Variants in CD109 observed in about 807,000 individuals in gnomAD.
CD109 encodes the protein CD109 molecule, also known as CD109 antigen.
Under a neutral mutation model 165.8 loss-of-function variants are expected in CD109, and 149 were observed. The observed-to-expected ratio is 0.90, with a 90% confidence interval of 0.79 to 1.03. CD109 has a LOEUF of 1.03. Among genes scored for constraint, CD109 ranks in the 50% least tolerant of loss-of-function variants. The pLI, the probability that CD109 is intolerant of heterozygous loss-of-function variation, is 0.00. For missense variants in CD109, 1,712 were observed against 1,677.8 expected, an observed-to-expected ratio of 1.02 and a Z score of -0.36; for synonymous variants, 585 against 592.1, an observed-to-expected ratio of 0.99 and a Z score of 0.18.
chr6:73,812,363 A>G (rs998207817), intron 29 of CD109, 93 bp downstream of exon 29: 5 of 762,656 alleles, frequency 6.6e-6, no homozygotes, highest in African/African-American at 5.3e-5. Context: ...TAACTTGAAT[A>G]TAATTCCTAA....
chr6:73,711,992 C>T (rs947247834), intron 2 of CD109, among the ~76,000 whole-genome samples: 1 of 152,082 alleles, frequency 6.6e-6, no homozygotes, highest in Non-Finnish European at 1.5e-5. Context: ...TATCCCTTAC[C>T]TCCCTGCCAT....
At chr6:73,775,754 A>C (rs757438956) in intron 15 of CD109, among the ~76,000 whole-genome samples, 1 of 152,088 alleles carries the variant, frequency 6.6e-6, no homozygotes, top group Non-Finnish European at 1.5e-5. Flanking sequence ...TCCCACTTAT[A>C]AGTGAGAACA....
chr6:73,734,647 G>A (rs779721008), intron 4 of CD109, among the ~76,000 whole-genome samples: 3 of 152,090 alleles, frequency 2.0e-5, no homozygotes, highest in African/African-American at 7.2e-5. Context: ...TTTGGTCTCT[G>A]GTTTTCACAA....
In CD109 at chr6:73,811,018, G is replaced by A; in HGVS notation, c.3573G>A (p.Leu1191=). The change falls in exon 28 of 33, where the codon CTG becomes CTA. Residue 1191 remains leucine (L), a synonymous_variant. Coordinates refer to ENST00000287097, the MANE Select transcript of CD109 (RefSeq NM_133493.5). The part of the protein sequence containing the change: ...TQDTTVALKA[L]SEFAALMNTE... The stretch of plus-strand genomic sequence containing the variant: ...ATACCACTGTGGCTTTAAAGGCTCT[G>A]TCTGAATTTGCAGCCCTAATGAATA... The A allele has an allele frequency of 4.3e-6, 7 of 1,613,246 alleles. No individual in the cohort carries two copies. The highest frequency in any genetic ancestry group is 5.9e-6 in the Non-Finnish European group (7 of 1,179,452).
At chr6:73,723,364 C>A in intron 3 of CD109, 85 bp downstream of exon 3, 3 of 1,031,318 alleles carry the variant, frequency 2.9e-6, no homozygotes, top group South Asian at 1.4e-5. Flanking sequence ...GATTTTATGT[C>A]AATTCACACA....
At chr6:73,728,409 C>T (rs1372947216) in intron 3 of CD109, among the ~76,000 whole-genome samples, 1 of 152,162 alleles carries the variant, frequency 6.6e-6, no homozygotes, top group East Asian at 1.9e-4. Context: ...TTTTTCCTAA[C>T]ATTTTATTAT....
intron 17 of CD109, among the ~76,000 whole-genome samples, chr6:73,782,052 A>T (rs1413572455): frequency 6.6e-6 from 1 of 152,174 alleles, no homozygotes; most frequent in Non-Finnish European, 1.5e-5. Context: ...TACTAACATC[A>T]TCTTGAAAGG....
chr6:73,799,825 G>T, intron 23 of CD109, among the ~76,000 whole-genome samples: 2 of 150,172 alleles, frequency 1.3e-5, no homozygotes, highest in African/African-American at 4.9e-5. Context: ...GAAAATAAAT[G>T]TATACATATA....
chr6:73,682,548 A>G, the CD109 span, among the ~76,000 whole-genome samples: 14 of 152,188 alleles, frequency 9.2e-5, no homozygotes, highest in Non-Finnish European at 1.9e-4. Flanking sequence ...TTCCAGGCAC[A>G]CAGTGCAAGC....
At chr6:73,689,009 G>A in the CD109 span, among the ~76,000 whole-genome samples, 9 of 151,968 alleles carry the variant, frequency 5.9e-5, no homozygotes, top group Non-Finnish European at 1.0e-4. Flanking sequence ...AGCTCAAGCA[G>A]TACTCCTGCC....
rs116619454 is a variant in CD109, at chr6:73,705,050, G to A, written c.247+7478G>A. Among the ~76,000 whole-genome samples the A allele has an allele frequency of 4.4e-3, 671 of 152,282 alleles. 6 individuals are homozygous for A. The highest frequency in any genetic ancestry group is 0.014 in the Middle Eastern group (4 of 294). On this transcript the variant is annotated intron_variant, in intron 2 of 32. Coordinates refer to ENST00000287097, the MANE Select transcript of CD109 (RefSeq NM_133493.5). ...GTACTAGAGACGGGAAGGGTGTGCCGGAGGAAAGAGCTGCTGGCTGGTGTG... is the reference window on the plus strand; with the variant it reads ...GTACTAGAGACGGGAAGGGTGTGCCAGAGGAAAGAGCTGCTGGCTGGTGTG...
At chr6:73,758,408 C>T (rs1013962973) in intron 6 of CD109, among the ~76,000 whole-genome samples, 10 of 152,048 alleles carry the variant, frequency 6.6e-5, no homozygotes, top group African/African-American at 1.4e-4. Context: ...TTTTTCGAGA[C>T]GGAGTCTCAC....
chr6:73,782,639 GT>G lies in CD109; in HGVS notation c.1992del (p.Phe664LeufsTer10). 1 of 1,613,700 alleles carries G rather than the reference GT, an allele frequency of 6.2e-7. No homozygotes were observed. The highest frequency in any genetic ancestry group is 8.5e-7 in the Non-Finnish European group (1 of 1,179,740). ...ATGACAATGCAGAATATGCTGAGAG[GT>G]TTATGGAGGAAAATGAAGGACATAT... is the stretch of plus-strand genomic sequence containing the variant. The part of the protein sequence containing the change: ...VYDNAEYAER[F>X]MEENEGHIVD... On this transcript the variant is annotated frameshift_variant, in exon 18 of 33. Coordinates refer to ENST00000287097, the MANE Select transcript of CD109 (RefSeq NM_133493.5). LOFTEE classifies it high-confidence loss of function.
Position 73,781,311 on chromosome 6 carries a change from A to G in CD109, c.1955A>G (p.Asp652Gly). ...GCAAACCTCACGAAGGATTATATTG[A>G]TGGTGTTTGTAAGTAATACATGGCG... ...TDANLTKDYI[D>G]GVYDNAEYAE... The change falls in exon 17 of 33, where the codon GAT becomes GGT. Residue 652 changes from aspartate to glycine, a missense_variant. Transcript: ENST00000287097. The G allele has an allele frequency of 6.2e-7, 1 of 1,612,300 alleles. No individual in the cohort carries two copies. The highest frequency in any genetic ancestry group is 8.5e-7 in the Non-Finnish European group (1 of 1,178,564).
chr6:73,724,398 C>A (rs1057167167), intron 3 of CD109, among the ~76,000 whole-genome samples: 3 of 152,126 alleles, frequency 2.0e-5, no homozygotes. Flanking sequence ...CTTCCTATAG[C>A]TTTGATTTGG....
chr6:73,715,742 C>T (rs1162972226), intron 2 of CD109, among the ~76,000 whole-genome samples: 2 of 152,102 alleles, frequency 1.3e-5, no homozygotes, highest in East Asian at 3.8e-4. Context: ...TATCCGTTCC[C>T]TCAAGCATTT....
At chr6:73,704,287 G>A (rs1458391993) in intron 2 of CD109, among the ~76,000 whole-genome samples, 1 of 151,904 alleles carries the variant, frequency 6.6e-6, no homozygotes, top group Non-Finnish European at 1.5e-5. Flanking sequence ...CTCACAAATT[G>A]TACTCGACCA....
chr6:73,711,251 T>G (rs1209151544), intron 2 of CD109, among the ~76,000 whole-genome samples: 1 of 152,242 alleles, frequency 6.6e-6, no homozygotes, highest in African/African-American at 2.4e-5. Context: ...ACCTGCTTTT[T>G]TTTTTACTCA....
intron 4 of CD109, among the ~76,000 whole-genome samples, chr6:73,731,023 G>C (rs1364268179): frequency 6.6e-6 from 1 of 151,972 alleles, no homozygotes; most frequent in East Asian, 1.9e-4. Flanking sequence ...GAGAGACAGA[G>C]AGTTTGTGTT....
Sources: allele counts gnomAD v4.1 joint callset (sites outside exome capture counted in the v4.1 genomes callset), GRCh38; gene constraint gnomAD v4.1.1; transcripts MANE v1.5; gene names NCBI Gene and HGNC (gene_info 2026-07-23, HGNC 2026-07-21).